FOXP2: variants seen among roughly 807,000 people sequenced by gnomAD.
FOXP2 encodes forkhead box P2.
FOXP2 carries 12 observed loss-of-function variants against 115.8 expected under a neutral mutation model. The observed-to-expected ratio is 0.10, with a 90% CI of 0.07 to 0.17. FOXP2 has a LOEUF of 0.17. Among genes scored for constraint, FOXP2 ranks in the 10% least tolerant of loss-of-function variants. FOXP2 has a pLI of 1.00. For missense variants in FOXP2, 629 were observed against 843.5 expected (o/e 0.75, Z 3.15); for synonymous variants, 328 against 297.7 (o/e 1.10, Z -1.05).
intron 2 of FOXP2, among the ~76,000 whole-genome samples, chr7:114,443,902 T>C (rs1794719070): frequency 1.3e-5 from 2 of 152,206 alleles, no homozygotes; most frequent in Admixed American, 1.3e-4. Context: ...TGTTTCTTTA[T>C]GGCAGAATGA....
chr7:114,429,784 A>G (rs1794022456), intron 2 of FOXP2, among the ~76,000 whole-genome samples: 1 of 151,558 alleles, frequency 6.6e-6, no homozygotes, highest in African/African-American at 2.4e-5. Context: ...ATCCTTATTC[A>G]TGTAAAACAG....
chr7:114,489,312 T>G (rs1351583838), intron 2 of FOXP2, among the ~76,000 whole-genome samples: 1 of 152,128 alleles, frequency 6.6e-6, no homozygotes, highest in Non-Finnish European at 1.5e-5. Context: ...GAAACTAGAC[T>G]CTAGCCTTGG....
chr7:114,636,064 A>T (rs77451307), intron 6 of FOXP2, among the ~76,000 whole-genome samples: 2 of 152,186 alleles, frequency 1.3e-5, no homozygotes, highest in Non-Finnish European at 2.9e-5. Context: ...TTAGACAAGC[A>T]TTTTAAAGAT....
At chr7:114,564,787 G>A (rs751339944) in intron 3 of FOXP2, among the ~76,000 whole-genome samples, 2 of 151,240 alleles carry the variant, frequency 1.3e-5, no homozygotes, top group South Asian at 2.1e-4. Context: ...AGACTGAGGT[G>A]AGAGGATTAC....
intron 2 of FOXP2, among the ~76,000 whole-genome samples, chr7:114,515,490 G>A (rs1320272559): frequency 1.1e-4 from 17 of 152,226 alleles, no homozygotes; most frequent in African/African-American, 4.1e-4. Context: ...ATTTTTTCAT[G>A]TGTTTTTTGG....
intron 8 of FOXP2, among the ~76,000 whole-genome samples, chr7:114,647,469 A>G (rs1805976195): frequency 6.6e-6 from 1 of 151,514 alleles, no homozygotes; most frequent in African/African-American, 2.4e-5. Context: ...ACTCTTTTCC[A>G]TTGGATAAAA....
chr7:114,184,142 A>G (rs940238535), intron 1 of FOXP2, among the ~76,000 whole-genome samples: 1 of 152,120 alleles, frequency 6.6e-6, no homozygotes, highest in African/African-American at 2.4e-5. Context: ...GAATGTTACT[A>G]TTTTGCCATC....
At chr7:114,230,894 G>C (rs1375830993) in intron 1 of FOXP2, among the ~76,000 whole-genome samples, 2 of 151,038 alleles carry the variant, frequency 1.3e-5, no homozygotes, top group Non-Finnish European at 3.0e-5. Context: ...AGAAATAAAA[G>C]GCATACATAA....
chr7:114,590,561 A>T (rs970058149), intron 3 of FOXP2, among the ~76,000 whole-genome samples: 2 of 152,172 alleles, frequency 1.3e-5, no homozygotes, highest in African/African-American at 2.4e-5. Flanking sequence ...AAGACAGGCC[A>T]TACTGTGGTG....
At chr7:114,292,728 A>G (rs187149617) in intron 2 of FOXP2, among the ~76,000 whole-genome samples, 2 of 152,282 alleles carry the variant, frequency 1.3e-5, no homozygotes, top group Admixed American at 1.3e-4. Context: ...GGATGTTGCA[A>G]ACATGTGATC....
At chr7:114,527,653 A>G (rs1798941938) in intron 2 of FOXP2, among the ~76,000 whole-genome samples, 1 of 152,146 alleles carries the variant, frequency 6.6e-6, no homozygotes, top group South Asian at 2.1e-4. Flanking sequence ...TCTCTTGATT[A>G]TTCTGCCATC....
At chr7:114,581,829 GTTAGCAT>G (rs572586015) in intron 3 of FOXP2, among the ~76,000 whole-genome samples, 1 of 152,306 alleles carries the variant, frequency 6.6e-6, no homozygotes, top group East Asian at 1.9e-4. Context: ...CCTAAGGGTG[GTTAGCAT>G]TATTAAAGAC....
chr7:114,676,860 A>G (rs1193449014), intron 16 of FOXP2, among the ~76,000 whole-genome samples: 2 of 152,214 alleles, frequency 1.3e-5, no homozygotes, highest in African/African-American at 2.4e-5. Flanking sequence ...TAAAATTAAC[A>G]TCACATTGCT....
chr7:114,262,139 A>T (rs1203326747), intron 1 of FOXP2, among the ~76,000 whole-genome samples: 1 of 152,010 alleles, frequency 6.6e-6, no homozygotes, highest in Non-Finnish European at 1.5e-5. Flanking sequence ...AATATTTACT[A>T]TCATCTGGGT....
intron 2 of FOXP2, among the ~76,000 whole-genome samples, chr7:114,301,774 A>G (rs772594384): frequency 2.0e-5 from 3 of 152,146 alleles, no homozygotes; most frequent in Non-Finnish European, 4.4e-5. Flanking sequence ...GTTTGTTTAG[A>G]AAGATTAACT....
In FOXP2 at chr7:114,501,873, A is replaced by T. The variant is rs1033472634; in HGVS notation, c.169-32744A>T. Among the ~76,000 whole-genome samples, 3 of 152,202 alleles carry T rather than the reference A, an allele frequency of 2.0e-5. No homozygotes were observed. The East Asian group carries it at 5.8e-4, about 29-fold the overall frequency. On this transcript the variant is annotated intron_variant, in intron 2 of 16. Coordinates refer to ENST00000350908, the MANE Select transcript of FOXP2 (RefSeq NM_014491.4). ...TACTTTAATTTTATAATACACATTT[A>T]TATAACAGTCTTAGGGAAATGAAAG...
In FOXP2 at chr7:114,692,762, A is replaced by G. The variant is rs1411078716; in HGVS notation, c.*2836A>G. On this transcript the variant is annotated 3_prime_UTR_variant, in exon 17 of 17. Transcript: ENST00000350908. ...GATTATGGGGACTATGATCTTTTGT[A>G]TACAGCAAATTTTAAACTGTAGCAC... The G allele has an allele frequency of 9.0e-6, 4 of 443,094 alleles. No homozygotes were observed. The highest frequency in any genetic ancestry group is 3.2e-5 in the South Asian group (2 of 61,950). 27.4% of individuals were successfully genotyped at this position (443,094 alleles called of 1,614,324 possible). A position where few individuals can be genotyped will look rare whatever the true frequency, so the allele number is the denominator to read the frequency against.
upstream of FOXP2, among the ~76,000 whole-genome samples, chr7:114,411,804 G>A (rs1793169279): frequency 6.6e-6 from 1 of 152,010 alleles, no homozygotes; most frequent in Non-Finnish European, 1.5e-5. Context: ...GTTGTCCAGG[G>A]GATTTACAAC....
At chr7:114,129,506 T>TA (rs890638663) in intron 1 of FOXP2, among the ~76,000 whole-genome samples, 21 of 149,254 alleles carry the variant, frequency 1.4e-4, no homozygotes, top group East Asian at 5.9e-4. Flanking sequence ...AACTTGAGAC[T>TA]AAAAAAAAAA....
Sources: allele counts gnomAD v4.1 joint callset (sites outside exome capture counted in the v4.1 genomes callset), GRCh38; gene constraint gnomAD v4.1.1; transcripts MANE v1.5; gene names NCBI Gene and HGNC (gene_info 2026-07-23, HGNC 2026-07-21).